DOCK2: variants seen among roughly 807,000 people sequenced by gnomAD.
The protein encoded by DOCK2 is dedicator of cytokinesis 2.
Under a neutral mutation model 248.9 loss-of-function variants are expected in DOCK2, and 87 were observed. The observed-to-expected ratio is 0.35, with a 90% CI of 0.29 to 0.42. DOCK2 has a LOEUF of 0.42. Among genes scored for constraint, DOCK2 ranks in the 10% least tolerant of loss-of-function variants. The probability of loss-of-function intolerance (pLI) is 1.00; values close to 1 mark genes in which losing one functional copy is unlikely to be tolerated. For missense variants in DOCK2, 1,747 were observed against 2,300.2 expected (o/e 0.76, Z 4.92); for synonymous variants, 805 against 821.6 (o/e 0.98, Z 0.35).
chr5:169,986,171 G>A lies in DOCK2; in HGVS notation c.2993+249G>A, dbSNP rs553542887. ...TCATACTTCATCTCTGAAGCCTTTCGTTCACTCTTGGGACAGGAGATCTTA... is the reference window on the plus strand; with the variant it reads ...TCATACTTCATCTCTGAAGCCTTTCATTCACTCTTGGGACAGGAGATCTTA... On this transcript the variant is annotated intron_variant, in intron 29 of 51. Coordinates refer to ENST00000520908, the MANE Select transcript of DOCK2 (RefSeq NM_004946.3). 6.6e-5 allele frequency among the ~76,000 whole-genome samples: 10 copies of A among 152,100 alleles called. 1 individual carries two copies. Among genetic ancestry groups the A allele is most frequent in the South Asian group, 4.2e-4 (2 of 4,814 alleles).
intron 10 of DOCK2, among the ~76,000 whole-genome samples, chr5:169,696,804 A>G (rs976284660): frequency 2.2e-4 from 33 of 149,846 alleles, no homozygotes; most frequent in Non-Finnish European, 3.3e-4. Flanking sequence ...GGAGTGGAGG[A>G]TGTTTTACTG....
chr5:169,937,214 G>A (rs1157910070), intron 27 of DOCK2, among the ~76,000 whole-genome samples: 2 of 152,372 alleles, frequency 1.3e-5, no homozygotes, highest in African/African-American at 4.8e-5. Flanking sequence ...GAGGAGTTGA[G>A]TAGTGGTGAC....
chr5:169,903,022 A>T (rs1049541038), intron 27 of DOCK2, among the ~76,000 whole-genome samples: 3 of 151,922 alleles, frequency 2.0e-5, no homozygotes, highest in Middle Eastern at 3.2e-3. Context: ...CGCTTGAACA[A>T]AGGAGGTGGA....
At chr5:169,957,221 A>T (rs1375195974) in intron 27 of DOCK2, among the ~76,000 whole-genome samples, 1 of 152,252 alleles carries the variant, frequency 6.6e-6, no homozygotes. Context: ...GAATTAATTA[A>T]AATGGACACA....
chr5:170,062,446 C>T (rs539852960), intron 44 of DOCK2, among the ~76,000 whole-genome samples: 5 of 152,018 alleles, frequency 3.3e-5, no homozygotes, highest in South Asian at 2.1e-4. Context: ...CACATTGAAC[C>T]GATATGAAAA....
intron 27 of DOCK2, among the ~76,000 whole-genome samples, chr5:169,889,427 T>C (rs1239646576): frequency 6.6e-6 from 1 of 152,240 alleles, no homozygotes. Context: ...CTGATCCCTA[T>C]TGTAGCACTA....
chr5:169,709,950 G>T (rs1360858633), intron 15 of DOCK2, among the ~76,000 whole-genome samples: 1 of 152,196 alleles, frequency 6.6e-6, no homozygotes, highest in Non-Finnish European at 1.5e-5. Context: ...ATATCCTGGG[G>T]CTAGGATTCT....
chr5:169,926,875 G>C (rs888562990), intron 27 of DOCK2, among the ~76,000 whole-genome samples: 1 of 152,126 alleles, frequency 6.6e-6, no homozygotes, highest in Non-Finnish European at 1.5e-5. Context: ...CTAAAAAAAA[G>C]ACCAGTACAT....
intron 27 of DOCK2, among the ~76,000 whole-genome samples, chr5:169,956,056 G>A (rs1276335011): frequency 6.6e-6 from 1 of 150,524 alleles, no homozygotes; most frequent in Non-Finnish European, 1.5e-5. Context: ...AAAAAAAAGA[G>A]CCCAGGCTTG....
At chr5:169,728,790 C>T (rs1401043012) in intron 22 of DOCK2, among the ~76,000 whole-genome samples, 1 of 150,852 alleles carries the variant, frequency 6.6e-6, no homozygotes, top group Non-Finnish European at 1.5e-5. Flanking sequence ...TTCCCCCATC[C>T]ATCCTTCAGA....
At chr5:169,655,693 C>G (rs1418307515) in intron 2 of DOCK2, among the ~76,000 whole-genome samples, 10 of 152,202 alleles carry the variant, frequency 6.6e-5, no homozygotes, top group Admixed American at 6.5e-4. Context: ...TACACACACA[C>G]AGACACACAC....
chr5:169,640,249 G>C (rs942692401), intron 1 of DOCK2, among the ~76,000 whole-genome samples: 2 of 152,230 alleles, frequency 1.3e-5, no homozygotes, highest in Non-Finnish European at 2.9e-5. Flanking sequence ...AATAATCTGT[G>C]GTCTCTGGCA....
At chr5:169,679,623 A>G (rs977473717) in intron 6 of DOCK2, among the ~76,000 whole-genome samples, 2 of 152,244 alleles carry the variant, frequency 1.3e-5, no homozygotes, top group South Asian at 4.1e-4. Context: ...TAAATTATGT[A>G]TCAGCGATGC....
At chr5:169,962,267 T>C (rs1377121783) in intron 27 of DOCK2, among the ~76,000 whole-genome samples, 3 of 152,036 alleles carry the variant, frequency 2.0e-5, no homozygotes, top group African/African-American at 7.3e-5. Flanking sequence ...TGGACTGACC[T>C]GGGGTGGAGA....
intron 41 of DOCK2, among the ~76,000 whole-genome samples, chr5:170,051,671 G>A (rs549655504): frequency 1.4e-4 from 22 of 152,116 alleles, no homozygotes; most frequent in Non-Finnish European, 2.9e-4. Flanking sequence ...CTAGAATGTC[G>A]GCTCCACGAG....
At chr5:170,054,257 A>AT (rs1390200315) in intron 41 of DOCK2, among the ~76,000 whole-genome samples, 2 of 152,182 alleles carry the variant, frequency 1.3e-5, no homozygotes, top group African/African-American at 4.8e-5. Flanking sequence ...CCAGGAAAAG[A>AT]TTTTTTGGAG....
At chr5:170,028,215 C>T (rs1755991541) in intron 34 of DOCK2, among the ~76,000 whole-genome samples, 1 of 152,206 alleles carries the variant, frequency 6.6e-6, no homozygotes, top group Non-Finnish European at 1.5e-5. Flanking sequence ...TGTCTACTTT[C>T]ATTACTTCTT....
At chr5:169,997,568 G>C (rs1285528684) in intron 30 of DOCK2, among the ~76,000 whole-genome samples, 1 of 139,276 alleles carries the variant, frequency 7.2e-6, no homozygotes. Flanking sequence ...GTGTCCCTGG[G>C]TACTTGAGAT....
intron 27 of DOCK2, among the ~76,000 whole-genome samples, chr5:169,915,347 G>A (rs11741667): frequency 6.6e-6 from 1 of 151,828 alleles, no homozygotes; most frequent in African/African-American, 2.4e-5. Context: ...GCACCAGTAA[G>A]CACTAATATT....
Sources: allele counts gnomAD v4.1 joint callset (sites outside exome capture counted in the v4.1 genomes callset), GRCh38; gene constraint gnomAD v4.1.1; transcripts MANE v1.5; gene names NCBI Gene and HGNC (gene_info 2026-07-23, HGNC 2026-07-21).